Variants in CLHC1 observed in about 807,000 individuals in gnomAD.
The protein encoded by CLHC1 is clathrin heavy chain linker domain-containing protein 1.
Under a neutral mutation model 69.5 loss-of-function variants are expected in CLHC1, and 72 were observed. The ratio of observed to expected loss-of-function variants is 1.04; its 90% CI spans 0.86 to 1.26. CLHC1 has a LOEUF of 1.26. Ranked by LOEUF, CLHC1 falls within the 50% of genes most tolerant of loss-of-function variation. The pLI is 0.00. For missense variants in CLHC1, 790 were observed against 679.3 expected, an observed-to-expected ratio of 1.16 and a Z score of -1.81; for synonymous variants, 223 against 224.3, an observed-to-expected ratio of 0.99 and a Z score of 0.05.
intron 4 of CLHC1, 33 bp downstream of exon 4, chr2:55,217,778 A>G: frequency 5.1e-6 from 7 of 1,385,840 alleles, no homozygotes; most frequent in Non-Finnish European, 6.8e-6. Context: ...AGCAACAACT[A>G]CCATCTTTTG....
chr2:55,190,176 C>A (rs1370886822), intron 9 of CLHC1, among the ~76,000 whole-genome samples: 1 of 151,882 alleles, frequency 6.6e-6, no homozygotes, highest in Non-Finnish European at 1.5e-5. Flanking sequence ...TCCCGAGTAG[C>A]TGGGACTACA....
At chr2:55,206,090 A>C (rs1200507367) in intron 9 of CLHC1, among the ~76,000 whole-genome samples, 180 bp downstream of exon 9, 1 of 152,214 alleles carries the variant, frequency 6.6e-6, no homozygotes. Context: ...AAAATCGTTC[A>C]TAATGTAATT....
At chr2:55,192,692 G>C (rs1292811557) in intron 9 of CLHC1, among the ~76,000 whole-genome samples, 1 of 152,034 alleles carries the variant, frequency 6.6e-6, no homozygotes, top group Non-Finnish European at 1.5e-5. Context: ...ATAGTCAATT[G>C]ATTTTTGACA....
At chr2:55,189,746 T>C (rs1309645583) in intron 9 of CLHC1, among the ~76,000 whole-genome samples, 4 of 152,162 alleles carry the variant, frequency 2.6e-5, no homozygotes, top group African/African-American at 4.8e-5. Flanking sequence ...GATTAGCACA[T>C]ACCGGTGAGG....
At position 55,174,451 on chromosome 2, in the gene CLHC1, CAA is replaced by C. The variant is rs1308504483; in HGVS notation, c.*1337_*1338del. Among the ~76,000 whole-genome samples the C allele has an allele frequency of 2.0e-5, 3 of 152,152 alleles. No homozygotes were observed. Among genetic ancestry groups the C allele is most frequent in the Non-Finnish European group, 4.4e-5 (3 of 68,026 alleles). On this transcript the variant is annotated 3_prime_UTR_variant, in exon 13 of 13. Coordinates refer to ENST00000401408, the MANE Select transcript of CLHC1 (RefSeq NM_152385.4). Reference sequence around the variant, plus strand: ...GTAGACATATGGGATTTAGTAAGTACAAACTAAGTAGAGAAATGTGTGTTTCT... The same window carrying C: ...GTAGACATATGGGATTTAGTAAGTACACTAAGTAGAGAAATGTGTGTTTCT...
rs1249213790 is a variant in CLHC1 at position 55,174,609 on chromosome 2, G to A, written c.*1181C>T. ...GGAAGACTGCCCATATTTTATAAGT[G>A]AGTAAGAGGTAGGACCAGAATTTTA... On this transcript the variant is annotated 3_prime_UTR_variant, in exon 13 of 13. Transcript: ENST00000401408. Among the ~76,000 whole-genome samples, 1 of 152,126 alleles carries A rather than the reference G, an allele frequency of 6.6e-6. No homozygotes were observed. Among genetic ancestry groups the A allele is most frequent in the Non-Finnish European group, 1.5e-5 (1 of 68,022 alleles).
intron 9 of CLHC1, among the ~76,000 whole-genome samples, chr2:55,184,919 A>C (rs62135093): frequency 7.9e-6 from 1 of 126,098 alleles, no homozygotes; most frequent in Non-Finnish European, 1.6e-5. Context: ...AAAAAAACAA[A>C]ACACACACAC....
At chr2:55,227,122 T>C (rs552365506) in intron 2 of CLHC1, among the ~76,000 whole-genome samples, 1 of 152,378 alleles carries the variant, frequency 6.6e-6, no homozygotes, top group African/African-American at 2.4e-5. Context: ...ATTATCTTCA[T>C]GTTGATGAAC....
At chr2:55,188,294 T>A (rs1238210350) in intron 9 of CLHC1, among the ~76,000 whole-genome samples, 3 of 152,116 alleles carry the variant, frequency 2.0e-5, no homozygotes, top group African/African-American at 7.2e-5. Flanking sequence ...CCAGCCTAGG[T>A]GACAGAGCAA....
chr2:55,189,395 C>A (rs1670710271), intron 9 of CLHC1, among the ~76,000 whole-genome samples: 1 of 152,174 alleles, frequency 6.6e-6, no homozygotes, highest in Non-Finnish European at 1.5e-5. Flanking sequence ...TAAACTCTTG[C>A]TTCTGGCATG....
chr2:55,192,398 G>C (rs1671019175), intron 9 of CLHC1, among the ~76,000 whole-genome samples: 1 of 152,104 alleles, frequency 6.6e-6, no homozygotes, highest in Non-Finnish European at 1.5e-5. Context: ...GGGATTACAG[G>C]TGCACTGCTT....
chr2:55,220,673 G>A (rs1408162326), intron 3 of CLHC1, among the ~76,000 whole-genome samples: 1 of 152,104 alleles, frequency 6.6e-6, no homozygotes, highest in Non-Finnish European at 1.5e-5. Context: ...AAAGCAGAGA[G>A]CTCTTCATGT....
intron 4 of CLHC1, among the ~76,000 whole-genome samples, chr2:55,213,156 C>G (rs1401414554): frequency 6.6e-6 from 1 of 152,164 alleles, no homozygotes; most frequent in African/African-American, 2.4e-5. Flanking sequence ...TACCACTAAC[C>G]TGGTGACTAC....
chr2:55,218,885 T>C (rs547778617), intron 3 of CLHC1, among the ~76,000 whole-genome samples: 1 of 152,314 alleles, frequency 6.6e-6, no homozygotes, highest in South Asian at 2.1e-4. Context: ...GCAATTATGC[T>C]TTCTATTCCT....
Position 55,172,581 on chromosome 2 carries a change from C to G in CLHC1, c.*3209G>C, listed in dbSNP as rs1475592674. ...TACCCAATATATTTTTATTCAAGAA[C>G]ACAACAAATTATAACTACTAGCAAA... On this transcript the variant is annotated 3_prime_UTR_variant, in exon 13 of 13. Coordinates refer to ENST00000401408, the MANE Select transcript of CLHC1 (RefSeq NM_152385.4). 6.6e-6 allele frequency among the ~76,000 whole-genome samples: 1 copy of G among 150,424 alleles called. No individual in the cohort carries two copies. The highest frequency in any genetic ancestry group is 1.5e-5 in the Non-Finnish European group (1 of 67,792).
At chr2:55,215,833 T>G (rs1673439698) in intron 4 of CLHC1, 1 of 152,184 alleles carries the variant, frequency 6.6e-6, no homozygotes, top group Non-Finnish European at 1.5e-5. Flanking sequence ...TTGCCCTGAT[T>G]TTGACTTTCT....
At chr2:55,208,252 T>C (rs902562689) in intron 8 of CLHC1, among the ~76,000 whole-genome samples, 12 of 152,240 alleles carry the variant, frequency 7.9e-5, no homozygotes, top group African/African-American at 2.9e-4. Flanking sequence ...TAATGAGATA[T>C]CTTGGGGATG....
At chr2:55,213,942 T>C (rs901252554) in intron 4 of CLHC1, among the ~76,000 whole-genome samples, 5 of 152,080 alleles carry the variant, frequency 3.3e-5, no homozygotes, top group Non-Finnish European at 4.4e-5. Context: ...GAGGAGAGAT[T>C]CTGGATAAAT....
At chr2:55,200,878 T>C (rs1421216342) in intron 9 of CLHC1, among the ~76,000 whole-genome samples, 1 of 152,104 alleles carries the variant, frequency 6.6e-6, no homozygotes, top group African/African-American at 2.4e-5. Flanking sequence ...AGAAGAGGAA[T>C]TTTGGAAACC....
Sources: gnomAD v4.1 joint callset for allele counts (sites outside exome capture counted in the v4.1 genomes callset) on GRCh38, gnomAD v4.1.1 for gene constraint, MANE v1.5 for transcripts, NCBI Gene and HGNC (gene_info 2026-07-23, HGNC 2026-07-21) for gene names.